Variants in RPS6KC1 observed in about 807,000 individuals in gnomAD.
RPS6KC1 encodes the protein inactive ribosomal protein S6 kinase delta-1.
A neutral mutation model predicts 103.8 loss-of-function variants in RPS6KC1; 54 were observed. That is an observed-to-expected ratio of 0.52 (90% CI 0.42 to 0.65). RPS6KC1 has a LOEUF of 0.65. Among genes scored for constraint, RPS6KC1 ranks in the 30% least tolerant of loss-of-function variants. RPS6KC1 has a pLI of 0.00. For missense variants in RPS6KC1, 1,151 were observed against 1,253.8 expected (o/e 0.92, Z 1.24); for synonymous variants, 439 against 438.7 (o/e 1.00, Z -0.01).
At chr1:213,479,538 G>A in the RPS6KC1 span, among the ~76,000 whole-genome samples, 1 of 151,866 alleles carries the variant, frequency 6.6e-6, no homozygotes, top group Non-Finnish European at 1.5e-5. Context: ...TTAACTGCCT[G>A]TTTTCTATGG....
At chr1:213,152,233 ATG>A (rs1405869020) in intron 6 of RPS6KC1, among the ~76,000 whole-genome samples, 8 of 121,372 alleles carry the variant, frequency 6.6e-5, no homozygotes, top group African/African-American at 2.3e-4. Flanking sequence ...CGGGGGGCTG[ATG>A]CCCCCACCTC....
chr1:213,103,861 T>G (rs2082235662), intron 3 of RPS6KC1, among the ~76,000 whole-genome samples: 1 of 152,330 alleles, frequency 6.6e-6, no homozygotes, highest in South Asian at 2.1e-4. Context: ...GGAAAGCACC[T>G]TTTGATCACC....
chr1:213,704,831 G>A, the RPS6KC1 span, among the ~76,000 whole-genome samples: 3 of 152,186 alleles, frequency 2.0e-5, no homozygotes, highest in Non-Finnish European at 4.4e-5. Flanking sequence ...TGCTTTAGGG[G>A]GCACCCCAAG....
At chr1:213,452,177 C>G in the RPS6KC1 span, among the ~76,000 whole-genome samples, 2 of 152,116 alleles carry the variant, frequency 1.3e-5, no homozygotes, top group Non-Finnish European at 2.9e-5. Flanking sequence ...GCAAACGGGC[C>G]TGGGAAGACA....
At chr1:213,651,244 C>T in the RPS6KC1 span, among the ~76,000 whole-genome samples, 8 of 152,320 alleles carry the variant, frequency 5.3e-5, no homozygotes, top group East Asian at 1.9e-4. Flanking sequence ...CCAATAAAAA[C>T]GCCAGACAGG....
chr1:213,442,482 G>T, the RPS6KC1 span, among the ~76,000 whole-genome samples: 5 of 152,248 alleles, frequency 3.3e-5, no homozygotes, highest in African/African-American at 9.6e-5. Context: ...ACTTGGGTTG[G>T]GATCCCAAAC....
chr1:213,370,362 G>A, the RPS6KC1 span, among the ~76,000 whole-genome samples: 2 of 151,806 alleles, frequency 1.3e-5, no homozygotes, highest in Non-Finnish European at 2.9e-5. Flanking sequence ...CTCAGCACCT[G>A]GTGGAATGTC....
chr1:213,232,373 C>G (rs2094124197), intron 10 of RPS6KC1, 118 bp downstream of exon 10: 2 of 1,285,088 alleles, frequency 1.6e-6, no homozygotes, highest in Admixed American at 3.5e-5. Context: ...GAAACCATTT[C>G]CTATTCCTCT....
At chr1:213,790,512 C>T in the RPS6KC1 span, among the ~76,000 whole-genome samples, 1 of 152,064 alleles carries the variant, frequency 6.6e-6, no homozygotes, top group Admixed American at 6.5e-5. Flanking sequence ...GAGTTGTCAA[C>T]ATCTGTCCAG....
At chr1:213,343,391 G>GGA in the RPS6KC1 span, among the ~76,000 whole-genome samples, 1 of 65,876 alleles carries the variant, frequency 1.5e-5, no homozygotes, top group Non-Finnish European at 3.1e-5. Context: ...AGTGTTGTGT[G>GGA]TATATATATA....
the RPS6KC1 span, among the ~76,000 whole-genome samples, chr1:213,577,749 T>G: frequency 1.3e-5 from 2 of 152,212 alleles, no homozygotes; most frequent in African/African-American, 4.8e-5. Context: ...ATTCAAAAGG[T>G]GACTTGGCTG....
At chr1:213,093,252 C>G (rs950112672) in intron 3 of RPS6KC1, among the ~76,000 whole-genome samples, 4 of 151,174 alleles carry the variant, frequency 2.6e-5, no homozygotes, top group African/African-American at 9.7e-5. Flanking sequence ...GCTCTGTCAC[C>G]CAGGCTGGAG....
the RPS6KC1 span, among the ~76,000 whole-genome samples, chr1:213,672,812 T>C: frequency 6.6e-6 from 1 of 152,196 alleles, no homozygotes; most frequent in African/African-American, 2.4e-5. Flanking sequence ...GCATATCCAA[T>C]ACTAAACTCG....
intron 6 of RPS6KC1, among the ~76,000 whole-genome samples, chr1:213,161,639 A>G (rs1172817593): frequency 6.6e-6 from 1 of 152,224 alleles, no homozygotes; most frequent in East Asian, 1.9e-4. Context: ...TGAATCATTT[A>G]AATATGGAGA....
At chr1:213,549,399 G>T in the RPS6KC1 span, among the ~76,000 whole-genome samples, 1 of 152,048 alleles carries the variant, frequency 6.6e-6, no homozygotes, top group Admixed American at 6.6e-5. Flanking sequence ...AGGATTGAAG[G>T]GTCAAAATCC....
At chr1:213,588,296 CTTT>C in the RPS6KC1 span, among the ~76,000 whole-genome samples, 4 of 138,916 alleles carry the variant, frequency 2.9e-5, no homozygotes, top group Non-Finnish European at 3.1e-5. Flanking sequence ...AAACCTCTGT[CTTT>C]TTTTTTTTTT....
At chr1:213,119,504 G>T (rs1249411245) in intron 5 of RPS6KC1, among the ~76,000 whole-genome samples, 1 of 118,738 alleles carries the variant, frequency 8.4e-6, no homozygotes, top group African/African-American at 3.2e-5. Context: ...ATATATGAGA[G>T]TATTCAATGA....
At chr1:213,427,266 TG>T in the RPS6KC1 span, among the ~76,000 whole-genome samples, 3 of 152,258 alleles carry the variant, frequency 2.0e-5, no homozygotes, top group African/African-American at 7.2e-5. Flanking sequence ...CTTTGTGTTT[TG>T]GAACTTTGTG....
chr1:213,106,669 C>G (rs927440863), intron 4 of RPS6KC1, among the ~76,000 whole-genome samples: 2 of 152,096 alleles, frequency 1.3e-5, no homozygotes, highest in African/African-American at 4.8e-5. Flanking sequence ...TGCAAATGAC[C>G]ATATAGCCAC....
Sources: gnomAD v4.1 joint callset for allele counts (sites outside exome capture counted in the v4.1 genomes callset) on GRCh38, gnomAD v4.1.1 for gene constraint, MANE v1.5 for transcripts, NCBI Gene and HGNC (gene_info 2026-07-23, HGNC 2026-07-21) for gene names.